Variants in ANO4 observed in about 807,000 individuals in gnomAD.
ANO4 encodes anoctamin 4, also known as anoctamin-4.
Under a neutral mutation model 141.9 loss-of-function variants are expected in ANO4, and 69 were observed. The ratio of observed to expected loss-of-function variants is 0.49; its 90% CI spans 0.40 to 0.59. The LOEUF (loss-of-function observed/expected upper bound fraction) is 0.59, where lower values mean the gene tolerates loss of function less well. Ranked by LOEUF, ANO4 falls within the 20% of genes least tolerant of loss-of-function variation. The pLI, the probability that ANO4 is intolerant of heterozygous loss-of-function variation, is 0.00. For synonymous variants in ANO4, 350 were observed against 394.3 expected, an observed-to-expected ratio of 0.89 and a Z score of 1.33; for missense variants, 894 against 1,162.2, an observed-to-expected ratio of 0.77 and a Z score of 3.36.
At chr12:101,039,508 A>C (rs1288565228) in intron 10 of ANO4, among the ~76,000 whole-genome samples, 2 of 152,222 alleles carry the variant, frequency 1.3e-5, no homozygotes, top group African/African-American at 4.8e-5. Flanking sequence ...CAGTCTCAAA[A>C]AATAAACAAA....
At chr12:100,851,207 A>T (rs1283640702) in intron 1 of ANO4, among the ~76,000 whole-genome samples, 1 of 152,178 alleles carries the variant, frequency 6.6e-6, no homozygotes, top group Non-Finnish European at 1.5e-5. Context: ...TCCATATCAT[A>T]TATTCTTTTA....
chr12:100,886,378 C>G (rs916023635), intron 1 of ANO4, among the ~76,000 whole-genome samples: 19 of 117,812 alleles, frequency 1.6e-4, no homozygotes, highest in African/African-American at 7.2e-4. Flanking sequence ...TTGTGAAGAT[C>G]GTTGCTTTCA....
chr12:100,885,278 C>T (rs1389970759), intron 1 of ANO4, among the ~76,000 whole-genome samples: 2 of 152,240 alleles, frequency 1.3e-5, no homozygotes. Context: ...AGCCATCATT[C>T]TGTCTACCAC....
At chr12:100,867,764 A>T (rs1193879661) in intron 1 of ANO4, among the ~76,000 whole-genome samples, 1 of 152,270 alleles carries the variant, frequency 6.6e-6, no homozygotes, top group African/African-American at 2.4e-5. Context: ...TTATGCCTAC[A>T]TTCTTTGAGT....
At chr12:101,053,313 A>G (rs546250843) in intron 14 of ANO4, among the ~76,000 whole-genome samples, 1 of 152,342 alleles carries the variant, frequency 6.6e-6, no homozygotes, top group Admixed American at 6.5e-5. Flanking sequence ...GAGTATTTGT[A>G]AAGCTCTGAA....
rs534238531 is a variant in ANO4, at chr12:100,841,867, C to T, written c.-141+46840C>T. ...ACTTTTGCTGTTTGCTCTTTGTAGA[C>T]AACAATGCAGAAGTTGGATGCATCT... On this transcript the variant is annotated intron_variant, in intron 1 of 27. Coordinates refer to ENST00000392977, the MANE Select transcript of ANO4 (RefSeq NM_001286615.2). 1.3e-4 allele frequency among the ~76,000 whole-genome samples: 20 copies of T among 152,178 alleles called. No individual in the cohort carries two copies. In the South Asian group the frequency reaches 1.9e-3, roughly 14 times the overall value.
intron 17 of ANO4, among the ~76,000 whole-genome samples, chr12:101,088,057 C>T (rs1199734375): frequency 1.3e-5 from 2 of 152,162 alleles, no homozygotes; most frequent in African/African-American, 2.4e-5. Flanking sequence ...GCTTTCCTCT[C>T]TCTCACAGTA....
chr12:100,853,279 A>T (rs2037980132), intron 1 of ANO4, among the ~76,000 whole-genome samples: 1 of 152,140 alleles, frequency 6.6e-6, no homozygotes, highest in South Asian at 2.1e-4. Flanking sequence ...TTATTTTGTG[A>T]ACAGAAGTTT....
At chr12:101,120,131 T>C (rs1593318918) in intron 25 of ANO4, among the ~76,000 whole-genome samples, 1 of 152,350 alleles carries the variant, frequency 6.6e-6, no homozygotes, top group East Asian at 1.9e-4. Context: ...CTTTGTTTTC[T>C]TGACTTCCTT....
intron 24 of ANO4, among the ~76,000 whole-genome samples, chr12:101,116,472 A>G (rs1273323755): frequency 6.6e-6 from 1 of 152,172 alleles, no homozygotes. Context: ...TCTGCAGAAA[A>G]AGGATGAGAA....
chr12:100,914,254 C>T (rs913646371), intron 2 of ANO4, among the ~76,000 whole-genome samples: 14 of 152,156 alleles, frequency 9.2e-5, no homozygotes, highest in Admixed American at 2.6e-4. Flanking sequence ...CATTACTGGC[C>T]GATGCAGTAG....
At chr12:100,964,026 C>G (rs2043541325) in intron 5 of ANO4, among the ~76,000 whole-genome samples, 1 of 152,164 alleles carries the variant, frequency 6.6e-6, no homozygotes, top group African/African-American at 2.4e-5. Flanking sequence ...CCACAGATGG[C>G]AGAACCAAGC....
intron 1 of ANO4, among the ~76,000 whole-genome samples, chr12:100,821,348 A>G (rs2036041341): frequency 6.6e-6 from 1 of 152,066 alleles, no homozygotes; most frequent in South Asian, 2.1e-4. Flanking sequence ...GCTATTTGTT[A>G]GACAGAAGTT....
At chr12:100,760,735 C>G (rs1177638563) in intron 3 of ANO4, among the ~76,000 whole-genome samples, 1 of 152,208 alleles carries the variant, frequency 6.6e-6, no homozygotes, top group African/African-American at 2.4e-5. Flanking sequence ...AGCTCCTCTT[C>G]TGTTCTGCAG....
intron 1 of ANO4, among the ~76,000 whole-genome samples, chr12:100,719,006 G>A (rs898715800): frequency 6.6e-6 from 1 of 152,172 alleles, no homozygotes; most frequent in East Asian, 1.9e-4. Flanking sequence ...TACGTTTCTA[G>A]AAGCTTTAAA....
chr12:100,991,513 TAA>T (rs59975425), intron 8 of ANO4, among the ~76,000 whole-genome samples: 22 of 111,140 alleles, frequency 2.0e-4, no homozygotes, highest in East Asian at 5.6e-4. Flanking sequence ...ATGAAAATAG[TAA>T]AAAAAAAAAA....
chr12:100,959,305 T>C (rs991142949), intron 5 of ANO4, among the ~76,000 whole-genome samples: 3 of 152,068 alleles, frequency 2.0e-5, no homozygotes, highest in Non-Finnish European at 4.4e-5. Context: ...AGGACTTTGC[T>C]CCTGTAATTG....
chr12:101,095,571 C>T (rs2049949557), intron 18 of ANO4, among the ~76,000 whole-genome samples: 1 of 152,132 alleles, frequency 6.6e-6, no homozygotes, highest in African/African-American at 2.4e-5. Flanking sequence ...CATTTTAAAC[C>T]ATTTTAAATC....
intron 3 of ANO4, among the ~76,000 whole-genome samples, chr12:100,929,258 C>T (rs2041995478): frequency 6.6e-6 from 1 of 152,102 alleles, no homozygotes; most frequent in Admixed American, 6.6e-5. Flanking sequence ...ATCCCCACCT[C>T]CCTTCCGCTC....
Sources: allele counts gnomAD v4.1 joint callset (sites outside exome capture counted in the v4.1 genomes callset), GRCh38; gene constraint gnomAD v4.1.1; transcripts MANE v1.5; gene names NCBI Gene and HGNC (gene_info 2026-07-23, HGNC 2026-07-21).